ZRANB3: variants seen among roughly 807,000 people sequenced by gnomAD.
ZRANB3 encodes the protein zinc finger RANBP2-type containing 3, also known as DNA annealing helicase and endonuclease ZRANB3.
ZRANB3 carries 125 observed loss-of-function variants against 133.8 expected under a neutral mutation model. That is an observed-to-expected ratio of 0.93 (90% CI 0.81 to 1.08). ZRANB3 has a LOEUF of 1.08. ZRANB3 is among the 50% of genes least tolerant of loss of function. ZRANB3 has a pLI of 0.00. For missense variants in ZRANB3, 1,229 were observed against 1,275.5 expected, an observed-to-expected ratio of 0.96 and a Z score of 0.56; for synonymous variants, 387 against 432.7, an observed-to-expected ratio of 0.89 and a Z score of 1.31.
rs980030688 is a variant in ZRANB3, at chr2:135,384,374, C to T, written c.180+6428G>A. Among the ~76,000 whole-genome samples the T allele has an allele frequency of 3.3e-5, 5 of 152,124 alleles. No homozygotes were observed. The South Asian group carries it at 1.0e-3, about 32-fold the overall frequency. On this transcript the variant is annotated intron_variant, in intron 3 of 20. Transcript: ENST00000264159. ...TTAATAGATTAACAACCAAAAAAAG[C>T]CCAGGACCACATGGATTCACAGCCG...
At chr2:135,248,633 T>C (rs1311178079) in intron 12 of ZRANB3, among the ~76,000 whole-genome samples, 1 of 152,304 alleles carries the variant, frequency 6.6e-6, no homozygotes, top group East Asian at 1.9e-4. Context: ...GGGCCTGGCA[T>C]GTTGGCTCAT....
At chr2:135,457,459 A>C (rs756317673) in intron 2 of ZRANB3, among the ~76,000 whole-genome samples, 12 of 152,126 alleles carry the variant, frequency 7.9e-5, no homozygotes, top group Non-Finnish European at 7.4e-5. Context: ...CATCCTTGTC[A>C]ACACTTACTA....
chr2:135,418,534 C>T (rs59234546), intron 2 of ZRANB3, among the ~76,000 whole-genome samples: 15,523 of 151,944 alleles, frequency 0.1, 1,054 homozygotes, highest in South Asian at 0.32. Flanking sequence ...TCAGAATATA[C>T]AGGAAAAAAG....
chr2:135,414,424 C>T (rs796793959), intron 2 of ZRANB3, among the ~76,000 whole-genome samples: 1 of 152,226 alleles, frequency 6.6e-6, no homozygotes, highest in East Asian at 1.9e-4. Flanking sequence ...TATATATGCA[C>T]CCAATACAGG....
chr2:135,313,020 T>TAA (rs771665483), intron 8 of ZRANB3, among the ~76,000 whole-genome samples: 3 of 119,960 alleles, frequency 2.5e-5, no homozygotes. Context: ...ATTCCGTCTT[T>TAA]AAAAAAAAAA....
At chr2:135,357,157 C>T (rs904882717) in intron 3 of ZRANB3, among the ~76,000 whole-genome samples, 1 of 152,150 alleles carries the variant, frequency 6.6e-6, no homozygotes, top group Non-Finnish European at 1.5e-5. Context: ...AATGTAGTGG[C>T]ATGATCTTGG....
intron 15 of ZRANB3, among the ~76,000 whole-genome samples, chr2:135,220,061 C>A (rs187267915): frequency 6.6e-6 from 1 of 151,862 alleles, no homozygotes; most frequent in Admixed American, 6.6e-5. Context: ...TTTGTAGAGA[C>A]AGGTTTTCAA....
intron 1 of ZRANB3, among the ~76,000 whole-genome samples, chr2:135,517,160 T>C (rs967405949): frequency 7.9e-5 from 12 of 152,028 alleles, no homozygotes; most frequent in African/African-American, 2.9e-4. Flanking sequence ...GTTATTGTAG[T>C]TAGCAATTCC....
chr2:135,245,947 A>AAAAAAAAAAAG (rs1553461041), intron 12 of ZRANB3, among the ~76,000 whole-genome samples: 10 of 145,444 alleles, frequency 6.9e-5, no homozygotes, highest in African/African-American at 2.6e-4. Context: ...AAAAAAAAAA[A>AAAAAAAAAAAG]AGAGACAGGG....
intron 3 of ZRANB3, among the ~76,000 whole-genome samples, chr2:135,365,868 G>T (rs1200024801): frequency 1.3e-5 from 2 of 152,072 alleles, no homozygotes. Context: ...AGAAAATAAA[G>T]AACCCTGTAT....
At chr2:135,416,206 A>C (rs2104961793) in intron 2 of ZRANB3, among the ~76,000 whole-genome samples, 1 of 151,484 alleles carries the variant, frequency 6.6e-6, no homozygotes, top group East Asian at 1.9e-4. Context: ...TATCTAGAAA[A>C]CCCCATCGTC....
chr2:135,502,050 G>A (rs1314566917), intron 2 of ZRANB3, among the ~76,000 whole-genome samples: 1 of 152,014 alleles, frequency 6.6e-6, no homozygotes, highest in Non-Finnish European at 1.5e-5. Flanking sequence ...GACCTATATT[G>A]CCAATGAAAA....
chr2:135,456,500 A>G (rs1194802356), intron 2 of ZRANB3, among the ~76,000 whole-genome samples: 1 of 152,264 alleles, frequency 6.6e-6, no homozygotes, highest in Non-Finnish European at 1.5e-5. Context: ...GTGTTGTCAT[A>G]GCCATTCTGT....
At chr2:135,461,695 C>T (rs16831697) in intron 2 of ZRANB3, among the ~76,000 whole-genome samples, 11,705 of 152,122 alleles carry the variant, frequency 0.077, 1,493 homozygotes, top group African/African-American at 0.27. Flanking sequence ...AAACACTGTA[C>T]CTGGACTAGA....
chr2:135,406,548 T>C (rs546224337), intron 2 of ZRANB3, among the ~76,000 whole-genome samples: 4 of 152,140 alleles, frequency 2.6e-5, no homozygotes, highest in Admixed American at 2.0e-4. Context: ...ATATCCCTGA[T>C]GAACATCGAT....
rs145180528 is a variant in ZRANB3 at position 135,261,823 on chromosome 2, T to C, written c.1539+3711A>G. ...ATTTTTAAAATAGCTAGGATTTCTA[T>C]TGACTTTATTGTAGACCAGAATATA... On this transcript the variant is annotated intron_variant, in intron 12 of 20. Transcript: ENST00000264159. Among the ~76,000 whole-genome samples the C allele has an allele frequency of 3.0e-3, 450 of 152,210 alleles. 3 individuals are homozygous for C. The highest frequency in any genetic ancestry group is 0.01 in the African/African-American group (420 of 41,552).
rs760526135 is a variant in ZRANB3, at chr2:135,208,863, C to T, written c.2606+5G>A. ...TACTATATACTAGTAGTAGAAAAAC[C>T]TTACTTTGTGAAAGGATCCCGTGGC... On this transcript the variant is annotated splice_donor_5th_base_variant and intron_variant, in intron 18 of 20. Coordinates refer to ENST00000264159, the MANE Select transcript of ZRANB3 (RefSeq NM_032143.4). 4 of 1,612,890 alleles carry T rather than the reference C, an allele frequency of 2.5e-6. No individual in the cohort carries two copies. In the Admixed American group the frequency reaches 5.0e-5, roughly 20 times the overall value.
At chr2:135,417,861 C>CA (rs1365200389) in intron 2 of ZRANB3, among the ~76,000 whole-genome samples, 1 of 151,860 alleles carries the variant, frequency 6.6e-6, no homozygotes, top group East Asian at 1.9e-4. Context: ...ATCGCAAGGA[C>CA]AAAAAACTGA....
intron 2 of ZRANB3, among the ~76,000 whole-genome samples, chr2:135,416,359 T>C (rs952858122): frequency 1.3e-4 from 20 of 152,262 alleles, no homozygotes; most frequent in East Asian, 5.8e-4. Flanking sequence ...CCATTCACAA[T>C]TGCTTCAAAG....
Sources: allele counts gnomAD v4.1 joint callset (sites outside exome capture counted in the v4.1 genomes callset), GRCh38; gene constraint gnomAD v4.1.1; transcripts MANE v1.5; gene names NCBI Gene and HGNC (gene_info 2026-07-23, HGNC 2026-07-21).